The following CNTNAP5 variants were observed in gnomAD, a reference collection of about 807,000 sequenced individuals.
The protein encoded by CNTNAP5 is contactin-associated protein-like 5.
In CNTNAP5, 72 loss-of-function variants were observed where a neutral mutation model predicts 150.2. The observed-to-expected ratio is 0.48, with a 90% CI of 0.40 to 0.58. The LOEUF (loss-of-function observed/expected upper bound fraction) is 0.58, where lower values mean the gene tolerates loss of function less well. CNTNAP5 is among the 20% of genes least tolerant of loss of function. The pLI is 0.00. For missense variants in CNTNAP5, 1,636 were observed against 1,626.2 expected (o/e 1.01, Z -0.10); for synonymous variants, 672 against 619.8 (o/e 1.08, Z -1.25).
intron 6 of CNTNAP5, among the ~76,000 whole-genome samples, chr2:124,450,452 T>C (rs1480504884): frequency 1.3e-5 from 2 of 150,454 alleles, no homozygotes; most frequent in Non-Finnish European, 2.9e-5. Flanking sequence ...AATGACTTTC[T>C]ATAAAGCAAC....
intron 21 of CNTNAP5, among the ~76,000 whole-genome samples, chr2:124,882,831 G>A (rs1425546485): frequency 1.3e-5 from 2 of 151,972 alleles, no homozygotes; most frequent in Non-Finnish European, 2.9e-5. Flanking sequence ...AGGTGAAGGA[G>A]GAGCAAAGGC....
At chr2:124,163,503 C>A (rs114764924) in intron 1 of CNTNAP5, among the ~76,000 whole-genome samples, 1 of 152,062 alleles carries the variant, frequency 6.6e-6, no homozygotes, top group Non-Finnish European at 1.5e-5. Context: ...CATGAAGATG[C>A]TTCAGGACAG....
At position 124,089,795 on chromosome 2, in the gene CNTNAP5, A is replaced by G. The variant is rs116944761; in HGVS notation, c.82+64063A>G. 2.2e-4 allele frequency among the ~76,000 whole-genome samples: 33 copies of G among 152,340 alleles called. 1 individual carries two copies. In the East Asian group the frequency reaches 6.2e-3, roughly 28 times the overall value. On this transcript the variant is annotated intron_variant, in intron 1 of 23. Coordinates refer to ENST00000682447, the MANE Select transcript of CNTNAP5 (RefSeq NM_001367498.1). The stretch of plus-strand genomic sequence containing the variant: ...AGTTGATCATAGCTCTGAAGTGAGA[A>G]CAGAGTGTTTACAAGGGCAATGGAT...
chr2:124,869,833 G>A, intron 21 of CNTNAP5, 71 bp downstream of exon 21: 1 of 926,660 alleles, frequency 1.1e-6, no homozygotes. Context: ...TTTCATTAGG[G>A]TGTTTAAGGA....
chr2:124,123,799 G>A (rs1163576101), intron 1 of CNTNAP5, among the ~76,000 whole-genome samples: 3 of 152,112 alleles, frequency 2.0e-5, no homozygotes, highest in African/African-American at 4.8e-5. Flanking sequence ...ATAGTGTCTG[G>A]AGTGGACCTC....
chr2:124,730,313 A>G (rs1237708607), intron 13 of CNTNAP5, among the ~76,000 whole-genome samples: 1 of 151,676 alleles, frequency 6.6e-6, no homozygotes, highest in Non-Finnish European at 1.5e-5. Context: ...TGTAGTATAC[A>G]GGTGTGCGCG....
At chr2:124,378,367 T>C (rs1169169734) in intron 3 of CNTNAP5, among the ~76,000 whole-genome samples, 1 of 152,172 alleles carries the variant, frequency 6.6e-6, no homozygotes, top group Non-Finnish European at 1.5e-5. Context: ...CCACTCTCTC[T>C]CTAACTCCCA....
chr2:124,422,140 C>T (rs1692119745), intron 4 of CNTNAP5, among the ~76,000 whole-genome samples: 1 of 152,164 alleles, frequency 6.6e-6, no homozygotes, highest in Non-Finnish European at 1.5e-5. Context: ...TCAGCATAGG[C>T]AACAAGGTTC....
intron 14 of CNTNAP5, among the ~76,000 whole-genome samples, chr2:124,752,403 A>C (rs1227797519): frequency 6.6e-6 from 1 of 152,032 alleles, no homozygotes; most frequent in Non-Finnish European, 1.5e-5. Context: ...CATTTCAATA[A>C]GACCCAAGTA....
intron 17 of CNTNAP5, among the ~76,000 whole-genome samples, chr2:124,783,952 T>G (rs1427487260): frequency 6.6e-6 from 1 of 152,168 alleles, no homozygotes; most frequent in Non-Finnish European, 1.5e-5. Context: ...GGTACCAAGA[T>G]TCTGCCAATT....
intron 3 of CNTNAP5, among the ~76,000 whole-genome samples, chr2:124,404,835 T>C (rs1378535222): frequency 2.0e-5 from 3 of 152,176 alleles, no homozygotes; most frequent in Non-Finnish European, 4.4e-5. Flanking sequence ...ACTTAACTTC[T>C]CTAAGCCTCA....
intron 1 of CNTNAP5, among the ~76,000 whole-genome samples, chr2:124,192,488 C>G (rs76280671): frequency 2.6e-5 from 4 of 152,248 alleles, no homozygotes; most frequent in Admixed American, 1.3e-4. Context: ...TCTATTCCCC[C>G]CAAACCATGC....
intron 6 of CNTNAP5, among the ~76,000 whole-genome samples, chr2:124,460,251 G>A (rs1364313761): frequency 1.3e-5 from 2 of 152,066 alleles, no homozygotes; most frequent in African/African-American, 4.8e-5. Context: ...CAGAGAGTAG[G>A]ACAAAAAGGA....
At chr2:124,794,558 C>T (rs1681804953) in intron 18 of CNTNAP5, among the ~76,000 whole-genome samples, 1 of 152,152 alleles carries the variant, frequency 6.6e-6, no homozygotes, top group South Asian at 2.1e-4. Flanking sequence ...AAAGTATGTA[C>T]ATTTGGGTGC....
At chr2:124,558,842 A>G (rs983788271) in intron 10 of CNTNAP5, among the ~76,000 whole-genome samples, 2 of 152,096 alleles carry the variant, frequency 1.3e-5, no homozygotes, top group African/African-American at 4.8e-5. Flanking sequence ...ACCTAGAGAG[A>G]GCATGTTCTG....
chr2:124,904,717 A>G (rs1052290356), intron 22 of CNTNAP5, among the ~76,000 whole-genome samples: 1 of 152,150 alleles, frequency 6.6e-6, no homozygotes, highest in African/African-American at 2.4e-5. Context: ...TACCATATAA[A>G]AATTAACTTG....
chr2:124,718,491 G>GA (rs1679988580), intron 13 of CNTNAP5, among the ~76,000 whole-genome samples: 2 of 152,060 alleles, frequency 1.3e-5, no homozygotes, highest in South Asian at 4.1e-4. Context: ...ACCATGGAAG[G>GA]AAAAAATGGA....
At chr2:124,102,268 A>G (rs1683082184) in intron 1 of CNTNAP5, among the ~76,000 whole-genome samples, 1 of 152,236 alleles carries the variant, frequency 6.6e-6, no homozygotes, top group Non-Finnish European at 1.5e-5. Flanking sequence ...AAAGAAAGAA[A>G]AGAGTAATAG....
chr2:124,166,081 C>T (rs1054195202), intron 1 of CNTNAP5, among the ~76,000 whole-genome samples: 10 of 152,104 alleles, frequency 6.6e-5, no homozygotes, highest in Non-Finnish European at 1.5e-4. Context: ...CTTCCAGATC[C>T]CAGAATTCAT....
Sources: allele counts gnomAD v4.1 joint callset (sites outside exome capture counted in the v4.1 genomes callset), GRCh38; gene constraint gnomAD v4.1.1; transcripts MANE v1.5; gene names NCBI Gene and HGNC (gene_info 2026-07-23, HGNC 2026-07-21).